Variants in HYCC1 observed in about 807,000 individuals in gnomAD.
HYCC1 encodes hyccin PI4KA lipid kinase complex subunit 1.
At chr7:22,992,286 GTCAT>G in the HYCC1 span, among the ~76,000 whole-genome samples, 2,144 of 151,964 alleles carry the variant, frequency 0.014, 55 homozygotes, top group African/African-American at 0.05. Flanking sequence ...ACATTTTTTG[GTCAT>G]TCATTCATTC....
At chr7:22,965,131 TA>T in the HYCC1 span, among the ~76,000 whole-genome samples, 82,497 of 133,734 alleles carry the variant, frequency 0.62, 24,696 homozygotes, top group South Asian at 0.67. Context: ...GAGATTCCAT[TA>T]AAAAAAAAAA....
the HYCC1 span, chr7:22,977,403 C>A: frequency 6.3e-7 from 1 of 1,586,630 alleles, no homozygotes; most frequent in South Asian, 1.1e-5. Flanking sequence ...TTGGTATGTC[C>A]CTGTTTGTCA....
At chr7:22,929,240 C>T in the HYCC1 span, among the ~76,000 whole-genome samples, 1 of 152,058 alleles carries the variant, frequency 6.6e-6, no homozygotes, top group African/African-American at 2.4e-5. Context: ...CAAAAACCCT[C>T]GAAGAAAACC....
chr7:22,949,792 A>T, the HYCC1 span, among the ~76,000 whole-genome samples: 11 of 152,038 alleles, frequency 7.2e-5, no homozygotes, highest in South Asian at 2.1e-4. Context: ...TATTACATTT[A>T]AAAAAATCAT....
At chr7:22,935,890 C>T in the HYCC1 span, 2 of 150,982 alleles carry the variant, frequency 1.3e-5, no homozygotes, top group Non-Finnish European at 2.9e-5. Flanking sequence ...TTTAGGTGAT[C>T]CACCCACCTC....
chr7:22,933,994 T>C, the HYCC1 span, among the ~76,000 whole-genome samples: 1 of 152,178 alleles, frequency 6.6e-6, no homozygotes. Flanking sequence ...TTCAGTTGAC[T>C]TGAAGCTAAG....
chr7:22,916,032 A>T, the HYCC1 span, among the ~76,000 whole-genome samples: 11 of 152,130 alleles, frequency 7.2e-5, no homozygotes, highest in East Asian at 1.9e-3. Flanking sequence ...TTCCCTGGTG[A>T]CCAATCATGC....
the HYCC1 span, among the ~76,000 whole-genome samples, chr7:22,920,916 T>C: frequency 4.6e-5 from 7 of 152,142 alleles, no homozygotes; most frequent in Non-Finnish European, 8.8e-5. Flanking sequence ...ATGTGAGATC[T>C]GGTTGCTTAA....
chr7:22,974,806 G>C, the HYCC1 span, among the ~76,000 whole-genome samples: 1 of 152,224 alleles, frequency 6.6e-6, no homozygotes, highest in Non-Finnish European at 1.5e-5. Flanking sequence ...GAGGAACCCA[G>C]TCAGGGGGTA....
At chr7:22,991,168 G>A in the HYCC1 span, 210 of 1,390,760 alleles carry the variant, frequency 1.5e-4, no homozygotes, top group African/African-American at 2.5e-3. Context: ...AAATGTTAAC[G>A]TTTTGAATAT....
the HYCC1 span, among the ~76,000 whole-genome samples, chr7:22,963,661 A>G: frequency 6.6e-6 from 1 of 152,224 alleles, no homozygotes; most frequent in Non-Finnish European, 1.5e-5. Flanking sequence ...AGTCTCACCT[A>G]TTCAACTCTG....
At chr7:22,968,063 C>T in the HYCC1 span, among the ~76,000 whole-genome samples, 22 of 152,142 alleles carry the variant, frequency 1.4e-4, no homozygotes, top group Non-Finnish European at 2.6e-4. Context: ...AGATCACTAC[C>T]TCCATATCTA....
chr7:22,946,934 C>T, the HYCC1 span: 10 of 1,534,866 alleles, frequency 6.5e-6, no homozygotes, highest in East Asian at 1.7e-4. Flanking sequence ...GCATCAGTGG[C>T]CCTTTGCCTT....
the HYCC1 span, among the ~76,000 whole-genome samples, chr7:22,985,368 C>T: frequency 6.6e-6 from 1 of 152,138 alleles, no homozygotes; most frequent in Non-Finnish European, 1.5e-5. Context: ...CCACAGCACT[C>T]ACCACAGGCC....
At chr7:22,971,895 G>A in the HYCC1 span, among the ~76,000 whole-genome samples, 1 of 152,110 alleles carries the variant, frequency 6.6e-6, no homozygotes, top group African/African-American at 2.4e-5. Flanking sequence ...TCATGCTCAC[G>A]TAGTTGGAGG....
the HYCC1 span, chr7:22,938,932 T>C: frequency 1.3e-5 from 2 of 152,278 alleles, no homozygotes; most frequent in African/African-American, 4.8e-5. Context: ...GACCACACTT[T>C]GAGAAACAAT....
chr7:23,003,731 T>C, the HYCC1 span, among the ~76,000 whole-genome samples: 3 of 152,180 alleles, frequency 2.0e-5, no homozygotes, highest in Admixed American at 1.3e-4. Flanking sequence ...CTTTAATATG[T>C]TGGAATGAGA....
chr7:22,978,135 T>A, the HYCC1 span: 1 of 788,162 alleles, frequency 1.3e-6, no homozygotes, highest in South Asian at 1.6e-5. Flanking sequence ...GAAAGTTATA[T>A]TTGGAAGAAT....
chr7:22,915,284 C>T, the HYCC1 span, among the ~76,000 whole-genome samples: 1 of 152,226 alleles, frequency 6.6e-6, no homozygotes, highest in African/African-American at 2.4e-5. Flanking sequence ...CTTGCCTCTG[C>T]TGTGAGAGAA....
Sources: gnomAD v4.1 joint callset for allele counts (sites outside exome capture counted in the v4.1 genomes callset) on GRCh38, gnomAD v4.1.1 for gene constraint, MANE v1.5 for transcripts, NCBI Gene and HGNC (gene_info 2026-07-23, HGNC 2026-07-21) for gene names.